FN1: variants seen among roughly 807,000 people sequenced by gnomAD.
FN1 encodes fibronectin.
Under a neutral mutation model 297.3 loss-of-function variants are expected in FN1, and 106 were observed. That is an observed-to-expected ratio of 0.36 (90% confidence interval 0.30 to 0.42). FN1 has a LOEUF of 0.42. FN1 is among the 10% of genes least tolerant of loss of function. FN1 has a pLI of 1.00. For missense variants in FN1, 2,690 were observed against 3,124.9 expected (o/e 0.86, Z 3.32); for synonymous variants, 1,149 against 1,152.6 (o/e 1.00, Z 0.06).
intron 15 of FN1, 35 bp from the exon 16 acceptor site, chr2:215,408,461 C>A: frequency 6.2e-7 from 1 of 1,609,304 alleles, no homozygotes; most frequent in Non-Finnish European, 8.5e-7. Flanking sequence ...CTAATCAGAG[C>A]AAACTAGTCC....
chr2:215,431,450 T>C (rs1487043056), intron 4 of FN1, among the ~76,000 whole-genome samples: 3 of 152,216 alleles, frequency 2.0e-5, no homozygotes, highest in Non-Finnish European at 2.9e-5. Flanking sequence ...GCACACACTA[T>C]TTCATGTTTC....
At position 215,424,210 on chromosome 2, in the gene FN1, A is replaced by G. The variant is rs756675172; in HGVS notation, c.1152T>C (p.Leu384=). The G allele has an allele frequency of 6.2e-7, 1 of 1,614,172 alleles. No individual in the cohort carries two copies. The highest frequency in any genetic ancestry group is 8.5e-7 in the Non-Finnish European group (1 of 1,180,026). The part of the protein sequence containing the change: ...CTTEGRQDGH[L]WCSTTSNYEQ... ...CATAATTCGAAGTTGTGCTGCACCAAAGATGTCCGTCCTGTCGCCCTTCTG... is the reference window on the plus strand; with the variant it reads ...CATAATTCGAAGTTGTGCTGCACCAGAGATGTCCGTCCTGTCGCCCTTCTG... Residue 384 remains leucine (L), a synonymous_variant, in exon 8 of 46, where the codon CTT becomes CTC. Coordinates refer to ENST00000354785, the MANE Select transcript of FN1 (RefSeq NM_212482.4).
chr2:215,379,679 T>C, intron 33 of FN1: 1 of 243,944 alleles, frequency 4.1e-6, no homozygotes, highest in Non-Finnish European at 8.1e-6. Flanking sequence ...GCAATGGCCC[T>C]TTTTCTTTCT....
chr2:215,380,818 C>A lies in FN1; in HGVS notation c.5427G>T (p.Gln1809His). Residue 1809 changes from glutamine (Q) to histidine (H), a missense_variant, in exon 33 of 46, where the codon CAG becomes CAT. Gln to His is a conservative substitution (Grantham distance 24). Coordinates refer to ENST00000354785, the MANE Select transcript of FN1 (RefSeq NM_212482.4). Reference protein sequence around the residue: ...DMESQPLIGTQSTAIPAPTDL... With the variant: ...DMESQPLIGTHSTAIPAPTDL... Reference sequence around the variant, plus strand: ...GTGCAATTAACCATATACCTGTGGACTGGGTTCCAATCAGGGGCTGGCTCT... The same window carrying A: ...GTGCAATTAACCATATACCTGTGGAATGGGTTCCAATCAGGGGCTGGCTCT... 6.2e-7 allele frequency: 1 copy of A among 1,612,968 alleles called. No individual in the cohort carries two copies. Among genetic ancestry groups the A allele is most frequent in the Non-Finnish European group, 8.5e-7 (1 of 1,179,942 alleles).
chr2:215,413,958 T>C (rs2106342401), intron 13 of FN1, among the ~76,000 whole-genome samples: 1 of 152,338 alleles, frequency 6.6e-6, no homozygotes, highest in East Asian at 1.9e-4. Context: ...TCTGAAAAAT[T>C]CTGTCCCTCC....
At chr2:215,362,543 G>A (rs1251758138) in intron 44 of FN1, 6 of 178,432 alleles carry the variant, frequency 3.4e-5, no homozygotes. Flanking sequence ...AAGTCACACA[G>A]TGGACCACTG....
rs376908049 is a variant in FN1 at position 215,406,290 on chromosome 2, A to G, written c.2934T>C (p.Phe978=). The part of the protein sequence containing the change: ...SPGVTYYFKV[F]AVSHGRESKP... ...TGCTCTCCCTCCCATGGCTCACTGC[A>G]AAGACTTTGAAGTAATAGGTGACCC... The change falls in exon 19 of 46, where the codon TTT becomes TTC. Residue 978 remains phenylalanine (F), a synonymous_variant. Transcript: ENST00000354785. 1 of 1,614,100 alleles carries G rather than the reference A, an allele frequency of 6.2e-7. No individual in the cohort carries two copies. The highest frequency in any genetic ancestry group is 8.5e-7 in the Non-Finnish European group (1 of 1,180,050).
Position 215,371,953 on chromosome 2 carries a change from T to A in FN1, c.6670A>T (p.Ile2224Phe). The change falls in exon 40 of 46, where the codon ATC becomes TTC. Residue 2224 changes from isoleucine (I) to phenylalanine (F), a missense_variant. This residue lies in a region of FN1 where 1,743 missense variants were observed against 1,945.2 expected (regional missense o/e 0.90). Coordinates refer to ENST00000354785, the MANE Select transcript of FN1 (RefSeq NM_212482.4). ...GTGCCAACAGGATGACATGAAATGATGTACTCAGAAGTGTCCTGGAATGGG... is the reference window on the plus strand; with the variant it reads ...GTGCCAACAGGATGACATGAAATGAAGTACTCAGAAGTGTCCTGGAATGGG... ...WAPFQDTSEY[I>F]ISCHPVGTDE... The A allele has an allele frequency of 6.2e-7, 1 of 1,614,238 alleles. No homozygotes were observed. The highest frequency in any genetic ancestry group is 8.5e-7 in the Non-Finnish European group (1 of 1,180,042).
At chr2:215,423,967 T>C (rs1204193529) in intron 8 of FN1, among the ~76,000 whole-genome samples, 179 bp downstream of exon 8, 1 of 152,170 alleles carries the variant, frequency 6.6e-6, no homozygotes, top group African/African-American at 2.4e-5. Flanking sequence ...CCAACAGTAC[T>C]GGGGAAGATG....
In FN1 at chr2:215,387,685, T is replaced by G. The variant is rs1268624774; in HGVS notation, c.4342+527A>C. 2.6e-5 allele frequency among the ~76,000 whole-genome samples: 4 copies of G among 152,338 alleles called. No individual in the cohort carries two copies. The East Asian group carries it at 7.7e-4, about 29-fold the overall frequency. ...AACCAAACTAAGATATCATAAGTCC[T>G]TTTTGGAAGCAAGTGGACTATAAAT... On this transcript the variant is annotated intron_variant, in intron 27 of 45. Transcript: ENST00000354785.
intron 40 of FN1, among the ~76,000 whole-genome samples, chr2:215,371,040 C>T (rs1009719338): frequency 1.9e-4 from 29 of 152,194 alleles, no homozygotes; most frequent in African/African-American, 5.5e-4. Flanking sequence ...GAGGCCAAGG[C>T]GGGCGGATCA....
intron 6 of FN1, among the ~76,000 whole-genome samples, chr2:215,426,077 T>C (rs1225312132): frequency 6.6e-6 from 1 of 152,124 alleles, no homozygotes; most frequent in East Asian, 1.9e-4. Context: ...CTAAAACCAA[T>C]TGATCCTCTT....
In FN1 at chr2:215,435,903, G is replaced by C. The variant is rs1304365040; in HGVS notation, c.-101C>G. 1 of 1,462,570 alleles carries C rather than the reference G, an allele frequency of 6.8e-7. No homozygotes were observed. The highest frequency in any genetic ancestry group is 9.0e-7 in the Non-Finnish European group (1 of 1,108,624). The allele number at this position is 1,462,570 out of a possible 1,614,324, so 90.6% of individuals were successfully genotyped here. A position where few individuals can be genotyped will look rare whatever the true frequency, so the allele number is the denominator to read the frequency against. On this transcript the variant is annotated 5_prime_UTR_variant, in exon 1 of 46. Coordinates refer to ENST00000354785, the MANE Select transcript of FN1 (RefSeq NM_212482.4). ...GGAAAAATCCCTTCTAATGCCTCCC[G>C]GGGGTTGTCGCCTCCAAGAAGGTGG...
chr2:215,404,657 T>C lies in FN1; in HGVS notation c.2987-2A>G. 2 of 1,612,862 alleles carry C rather than the reference T, an allele frequency of 1.2e-6. No individual in the cohort carries two copies. Among genetic ancestry groups the C allele is most frequent in the African/African-American group, 2.7e-5 (2 of 75,014 alleles). On this transcript the variant is annotated splice_acceptor_variant, in intron 19 of 45. Coordinates refer to ENST00000354785, the MANE Select transcript of FN1 (RefSeq NM_212482.4). LOFTEE classifies it high-confidence loss of function. ...GGAGGTTAGTGGGAGCATCCAGTTC[T>C]AGGAAAAAAGATGAAACATGCCAAG...
chr2:215,389,459 A>G (rs1223978643), intron 26 of FN1, among the ~76,000 whole-genome samples: 1 of 151,862 alleles, frequency 6.6e-6, no homozygotes, highest in Non-Finnish European at 1.5e-5. Flanking sequence ...ATACATTTTG[A>G]TAAGTGTGTG....
rs2067419603 is a variant in FN1 at position 215,436,027 on chromosome 2, G to A, written c.-225C>T. 2 of 972,188 alleles carry A rather than the reference G, an allele frequency of 2.1e-6. No individual in the cohort carries two copies. Among genetic ancestry groups the A allele is most frequent in the Non-Finnish European group, 2.9e-6 (2 of 686,092 alleles). 60.2% of individuals were successfully genotyped at this position (972,188 alleles called of 1,614,324 possible). A position where few individuals can be genotyped will look rare whatever the true frequency, so the allele number is the denominator to read the frequency against. On this transcript the variant is annotated 5_prime_UTR_variant, in exon 1 of 46. Coordinates refer to ENST00000354785, the MANE Select transcript of FN1 (RefSeq NM_212482.4). ...GGTCCCCTCTTCCCGCTCGCGCCTG[G>A]GGTTCCCTCTCCTCCCCCTGTGCAG...
chr2:215,425,856 G>A (rs188313031), intron 6 of FN1, among the ~76,000 whole-genome samples: 217 of 152,250 alleles, frequency 1.4e-3, no homozygotes, highest in African/African-American at 4.9e-3. Flanking sequence ...ACAGGCATGA[G>A]CCACCTCGCC....
At chr2:215,393,479 A>C (rs2059953049) in intron 24 of FN1, 1 of 160,838 alleles carries the variant, frequency 6.2e-6, no homozygotes, top group African/African-American at 2.4e-5. Context: ...TAAAGGGTAC[A>C]ATTTGAACTG....
chr2:215,391,114 T>C (rs2106064194), intron 26 of FN1, among the ~76,000 whole-genome samples: 1 of 152,326 alleles, frequency 6.6e-6, no homozygotes, highest in Non-Finnish European at 1.5e-5. Flanking sequence ...GAAATCCTTC[T>C]AACAGATTCT....
Sources: gnomAD v4.1 joint callset for allele counts (sites outside exome capture counted in the v4.1 genomes callset) on GRCh38, gnomAD v4.1.1 for gene constraint, gnomAD v4.1.1 regional missense constraint, MANE v1.5 for transcripts, NCBI Gene and HGNC (gene_info 2026-07-23, HGNC 2026-07-21) for gene names.